Variants in FGD5 observed in about 807,000 individuals in gnomAD.
FGD5 encodes FYVE, RhoGEF and PH domain containing 5, also known as FYVE, RhoGEF and PH domain-containing protein 5.
A neutral mutation model predicts 133.4 loss-of-function variants in FGD5; 28 were observed. The observed-to-expected ratio is 0.21, with a 90% CI of 0.16 to 0.29. The LOEUF (loss-of-function observed/expected upper bound fraction) is 0.29, where lower values mean the gene tolerates loss of function less well. Ranked by LOEUF, FGD5 falls within the 10% of genes least tolerant of loss-of-function variation. The pLI, the probability that FGD5 is intolerant of heterozygous loss-of-function variation, is 1.00. For synonymous variants in FGD5, 810 were observed against 776.5 expected (o/e 1.04, Z -0.72); for missense variants, 1,858 against 1,895.2 (o/e 0.98, Z 0.36).
At position 14,819,653 on chromosome 3, in the gene FGD5, C is replaced by T; in HGVS notation, c.582C>T (p.Leu194=). The change falls in exon 1 of 20, where the codon CTC becomes CTT. Residue 194 remains leucine, a synonymous_variant. Transcript: ENST00000285046. The surrounding 1 kb of genome is among the most constrained non-coding windows in gnomAD (Gnocchi z 4.1). ...WAGEGVFQSD[L]LLPHIHGEDQ... ...GAGAGGGGGTCTTCCAGAGCGACCT[C>T]CTCCTGCCTCACATCCATGGAGAGG... is the stretch of plus-strand genomic sequence containing the variant. The T allele has an allele frequency of 6.5e-7, 1 of 1,549,148 alleles. No individual in the cohort carries two copies. The highest frequency in any genetic ancestry group is 2.4e-5 in the East Asian group (1 of 40,904).
intron 7 of FGD5, among the ~76,000 whole-genome samples, chr3:14,899,131 A>G (rs921814861): frequency 1.3e-5 from 2 of 152,082 alleles, no homozygotes; most frequent in Non-Finnish European, 2.9e-5. Flanking sequence ...CACTGAAGCC[A>G]CGCCTGTCAT....
intron 4 of FGD5, among the ~76,000 whole-genome samples, chr3:14,893,231 A>G (rs1040717946): frequency 6.6e-6 from 1 of 152,224 alleles, no homozygotes; most frequent in Non-Finnish European, 1.5e-5. Flanking sequence ...ATCATTTAAT[A>G]TGTTTATATA....
At chr3:14,847,679 T>C (rs2037075914) in intron 1 of FGD5, among the ~76,000 whole-genome samples, 1 of 152,168 alleles carries the variant, frequency 6.6e-6, no homozygotes. Context: ...TGCCCAGGGT[T>C]GTGTAGCTGA....
intron 1 of FGD5, among the ~76,000 whole-genome samples, chr3:14,829,475 G>A (rs1008161762): frequency 2.0e-5 from 3 of 152,192 alleles, no homozygotes; most frequent in Admixed American, 1.3e-4. Context: ...GGCTGTGGCT[G>A]CAGCCAGGGG....
chr3:14,878,105 G>T (rs1204233106), intron 2 of FGD5, among the ~76,000 whole-genome samples: 1 of 152,178 alleles, frequency 6.6e-6, no homozygotes, highest in African/African-American at 2.4e-5. Context: ...AAATACAAAT[G>T]AAAAGATCTG....
At chr3:14,912,745 A>C (rs2038474254) in intron 11 of FGD5, among the ~76,000 whole-genome samples, 1 of 152,148 alleles carries the variant, frequency 6.6e-6, no homozygotes, top group Non-Finnish European at 1.5e-5. Flanking sequence ...TCTAAATTTT[A>C]GAAATTCTTG....
intron 4 of FGD5, among the ~76,000 whole-genome samples, chr3:14,896,373 T>C (rs1418136797): frequency 6.6e-6 from 1 of 152,124 alleles, no homozygotes; most frequent in Non-Finnish European, 1.5e-5. Flanking sequence ...TCACACTACC[T>C]GACTTCAAAA....
rs1326316503 is a variant in FGD5, at chr3:14,819,594, G to C, written c.523G>C (p.Glu175Gln). The C allele has an allele frequency of 6.4e-7, 1 of 1,551,546 alleles. No individual in the cohort carries two copies. The highest frequency in any genetic ancestry group is 2.0e-5 in the Admixed American group (1 of 51,002). Reference sequence around the variant, plus strand: ...AGAGAAGCTAGTGCAGCCACACAGGGAGTGCAGCCTGGAGGACAGTGGGCC... The same window carrying C: ...AGAGAAGCTAGTGCAGCCACACAGGCAGTGCAGCCTGGAGGACAGTGGGCC... ...EEEKLVQPHR[E>Q]CSLEDSGPWA... Residue 175 changes from glutamate to glutamine, a missense_variant, in exon 1 of 20, where the codon GAG becomes CAG. By Grantham distance (29) the Glu-to-Gln change is conservative (BLOSUM62 2). Coordinates refer to ENST00000285046, the MANE Select transcript of FGD5 (RefSeq NM_152536.4). The surrounding 1 kb of genome is among the most constrained non-coding windows in gnomAD (Gnocchi z 4.1).
At chr3:14,832,253 C>T (rs545510583) in intron 1 of FGD5, among the ~76,000 whole-genome samples, 1 of 152,186 alleles carries the variant, frequency 6.6e-6, no homozygotes, top group African/African-American at 2.4e-5. Flanking sequence ...CTGAGGCAAA[C>T]AGACACTTTT....
intron 1 of FGD5, 30 bp downstream of exon 1, chr3:14,821,626 C>A: frequency 3.3e-6 from 5 of 1,526,040 alleles, no homozygotes; most frequent in South Asian, 1.3e-5. Flanking sequence ...CTTTCTTGTT[C>A]GGCAGCTGTA....
At position 14,917,314 on chromosome 3, in the gene FGD5, G is replaced by C. The variant is rs773394399; in HGVS notation, c.3471G>C (p.Leu1157Phe). 6.2e-7 allele frequency: 1 copy of C among 1,613,372 alleles called. No homozygotes were observed. Among genetic ancestry groups the C allele is most frequent in the Non-Finnish European group, 8.5e-7 (1 of 1,179,678 alleles). ...KDGKYRLKNT[L>F]AVANMKVSRP... ...GGAAGTACCGGCTGAAGAACACATT[G>C]GCTGTGGCCAACATGAAGGTAAATA... Residue 1157 changes from leucine (L) to phenylalanine (F), a missense_variant, in exon 12 of 20, where the codon TTG becomes TTC. Coordinates refer to ENST00000285046, the MANE Select transcript of FGD5 (RefSeq NM_152536.4). The surrounding 1 kb of genome is among the most constrained non-coding windows in gnomAD (Gnocchi z 4.1).
chr3:14,910,078 T>C (rs2038418488), intron 10 of FGD5, among the ~76,000 whole-genome samples: 1 of 152,074 alleles, frequency 6.6e-6, no homozygotes, highest in Non-Finnish European at 1.5e-5. Flanking sequence ...TAATGCACTT[T>C]TCATGAAGCC....
Position 14,897,684 on chromosome 3 carries a change from G to A in FGD5, c.2909+15G>A, listed in dbSNP as rs577110158. 7 of 1,590,176 alleles carry A rather than the reference G, an allele frequency of 4.4e-6. No individual in the cohort carries two copies. In the African/African-American group the frequency reaches 9.4e-5, roughly 21 times the overall value. ...CTGTCAAATTGGTGAGCAGTCCCTG[G>A]ACCCCCGGGTTCCACTTTTGTTGCA... On this transcript the variant is annotated intron_variant, in intron 5 of 19. Coordinates refer to ENST00000285046, the MANE Select transcript of FGD5 (RefSeq NM_152536.4).
chr3:14,824,135 C>T (rs754208194), intron 1 of FGD5, among the ~76,000 whole-genome samples: 2 of 152,234 alleles, frequency 1.3e-5, no homozygotes, highest in South Asian at 2.1e-4. Context: ...ACAGGAACCA[C>T]ATCCTCTTGG....
intron 1 of FGD5, chr3:14,810,989 CGCTCGG>C: frequency 1.2e-6 from 1 of 816,076 alleles, no homozygotes; most frequent in Non-Finnish European, 1.5e-6. Flanking sequence ...CTTCCAGTGC[CGCTCGG>C]CCTCGGCCAA....
intron 2 of FGD5, among the ~76,000 whole-genome samples, chr3:14,867,952 C>G (rs969393667): frequency 1.3e-5 from 2 of 151,990 alleles, no homozygotes; most frequent in Non-Finnish European, 2.9e-5. Flanking sequence ...GCCTACCCTT[C>G]CTGGATGTTT....
At chr3:14,849,877 C>T (rs1365996940) in intron 1 of FGD5, among the ~76,000 whole-genome samples, 1 of 152,076 alleles carries the variant, frequency 6.6e-6, no homozygotes, top group Non-Finnish European at 1.5e-5. Flanking sequence ...GCTTCTGTGT[C>T]TGCTGTTGCT....
chr3:14,905,867 T>C (rs2038327911), intron 9 of FGD5, among the ~76,000 whole-genome samples: 1 of 152,058 alleles, frequency 6.6e-6, no homozygotes, highest in Non-Finnish European at 1.5e-5. Context: ...AGGCCAGGCA[T>C]TATGTGTAGA....
intron 10 of FGD5, 33 bp from the exon 11 acceptor site, chr3:14,910,828 C>T (rs1266054766): frequency 6.2e-7 from 1 of 1,603,034 alleles, no homozygotes; most frequent in Admixed American, 1.7e-5. Flanking sequence ...GGGGCATCAG[C>T]CTGACCGCCA....
Sources: allele counts gnomAD v4.1 joint callset (sites outside exome capture counted in the v4.1 genomes callset), GRCh38; gene constraint gnomAD v4.1.1; non-coding constraint Gnocchi (gnomAD v3.1); transcripts MANE v1.5; gene names NCBI Gene and HGNC (gene_info 2026-07-23, HGNC 2026-07-21).